DGKI: variants seen among roughly 807,000 people sequenced by gnomAD.
DGKI encodes the protein DAG kinase iota.
Under a neutral mutation model 147.5 loss-of-function variants are expected in DGKI, and 55 were observed. That is an observed-to-expected ratio of 0.37 (90% confidence interval 0.30 to 0.47). The LOEUF is 0.47. Among genes scored for constraint, DGKI ranks in the 20% least tolerant of loss-of-function variants. The pLI is 1.00. For synonymous variants in DGKI, 469 were observed against 477.1 expected, an observed-to-expected ratio of 0.98 and a Z score of 0.22; for missense variants, 1,007 against 1,323.8, an observed-to-expected ratio of 0.76 and a Z score of 3.71.
intron 1 of DGKI, among the ~76,000 whole-genome samples, chr7:137,755,037 A>C (rs1795637491): frequency 6.6e-6 from 1 of 152,144 alleles, no homozygotes; most frequent in South Asian, 2.1e-4. Context: ...TTTTGCTCTC[A>C]GGGGCATATC....
chr7:137,691,355 C>A (rs1460910423), intron 1 of DGKI, among the ~76,000 whole-genome samples: 2 of 152,112 alleles, frequency 1.3e-5, no homozygotes, highest in Non-Finnish European at 2.9e-5. Flanking sequence ...TAAGAATCTG[C>A]CATCTCTGAG....
At chr7:137,601,134 G>A (rs1181162856) in intron 10 of DGKI, among the ~76,000 whole-genome samples, 1 of 152,028 alleles carries the variant, frequency 6.6e-6, no homozygotes, top group Non-Finnish European at 1.5e-5. Context: ...AGCCGGGCAC[G>A]GTGGCGGGCA....
At position 137,684,095 on chromosome 7, in the gene DGKI, T is replaced by C. The variant is rs560622666; in HGVS notation, c.511-5443A>G. Among the ~76,000 whole-genome samples the C allele has an allele frequency of 2.0e-5, 3 of 152,348 alleles. No individual in the cohort carries two copies. In the South Asian group the frequency reaches 6.2e-4, roughly 32 times the overall value. On this transcript the variant is annotated intron_variant, in intron 2 of 32. Transcript: ENST00000614521. ...AAATATGTATCCTATGTAAATGTCC[T>C]TACAAAATCAAAAAGGAAAAAGAGT...
chr7:137,738,303 C>T (rs1795080949), intron 1 of DGKI, among the ~76,000 whole-genome samples: 1 of 152,014 alleles, frequency 6.6e-6, no homozygotes. Context: ...CTCCAAGCTA[C>T]TAGGAGAGAC....
At chr7:137,693,431 T>C (rs541337124) in intron 1 of DGKI, among the ~76,000 whole-genome samples, 2 of 152,328 alleles carry the variant, frequency 1.3e-5, no homozygotes, top group East Asian at 3.9e-4. Flanking sequence ...GTGAAATAGA[T>C]ATGAAAAGAA....
chr7:137,672,678 C>T (rs1274585736), intron 3 of DGKI, among the ~76,000 whole-genome samples: 2 of 150,516 alleles, frequency 1.3e-5, no homozygotes, highest in Non-Finnish European at 3.0e-5. Flanking sequence ...CCACGATCCT[C>T]GGAGGGCCTT....
intron 6 of DGKI, among the ~76,000 whole-genome samples, chr7:137,625,956 AT>A (rs1339846557): frequency 1.3e-5 from 2 of 152,102 alleles, no homozygotes; most frequent in African/African-American, 4.8e-5. Flanking sequence ...AAAGGCCTCA[AT>A]AAAAACCCTG....
At chr7:137,623,763 TGAGA>T (rs147702506) in intron 6 of DGKI, among the ~76,000 whole-genome samples, 4 of 152,192 alleles carry the variant, frequency 2.6e-5, no homozygotes, top group Non-Finnish European at 5.9e-5. Flanking sequence ...GCATTTCAAG[TGAGA>T]GAGAGAGGAG....
chr7:137,393,701 A>C (rs1811446964), intron 32 of DGKI, among the ~76,000 whole-genome samples: 2 of 152,242 alleles, frequency 1.3e-5, no homozygotes, highest in Non-Finnish European at 1.5e-5. Flanking sequence ...AGCTAGCCAG[A>C]CAGGTAACAG....
At chr7:137,566,597 T>C (rs2128973648) in intron 19 of DGKI, among the ~76,000 whole-genome samples, 1 of 152,318 alleles carries the variant, frequency 6.6e-6, no homozygotes, top group African/African-American at 2.4e-5. Context: ...TAGCTGATGA[T>C]GTATATGGAT....
chr7:137,598,022 A>C, intron 11 of DGKI, 115 bp from the exon 12 acceptor site: 1 of 830,402 alleles, frequency 1.2e-6, no homozygotes, highest in Non-Finnish European at 2.0e-6. Context: ...GAAAATGTGT[A>C]ATCATGAGGA....
intron 20 of DGKI, among the ~76,000 whole-genome samples, chr7:137,547,965 C>T (rs1245451938): frequency 6.6e-6 from 1 of 152,046 alleles, no homozygotes; most frequent in Admixed American, 6.6e-5. Context: ...ATGTAGGAGA[C>T]AGGCTACTGT....
chr7:137,690,370 A>T (rs1432945066), intron 1 of DGKI, among the ~76,000 whole-genome samples: 2 of 152,208 alleles, frequency 1.3e-5, no homozygotes, highest in Non-Finnish European at 2.9e-5. Flanking sequence ...ATTGCCAGCG[A>T]CTAAAAGCAA....
chr7:137,412,443 T>C (rs1812198664), intron 28 of DGKI, among the ~76,000 whole-genome samples: 1 of 152,116 alleles, frequency 6.6e-6, no homozygotes, highest in Non-Finnish European at 1.5e-5. Context: ...GTACAGTAAA[T>C]ATTTTAAAAA....
intron 6 of DGKI, among the ~76,000 whole-genome samples, chr7:137,632,676 G>A (rs1201614251): frequency 6.6e-6 from 1 of 151,868 alleles, no homozygotes; most frequent in Non-Finnish European, 1.5e-5. Context: ...GGCCAACATG[G>A]TGAAACCCCG....
chr7:137,456,295 C>T (rs1199300624), intron 27 of DGKI, among the ~76,000 whole-genome samples: 2 of 152,144 alleles, frequency 1.3e-5, no homozygotes, highest in Non-Finnish European at 1.5e-5. Flanking sequence ...CACAGCCTAA[C>T]AAAAATGGTC....
At chr7:137,531,387 A>T (rs919145575) in intron 20 of DGKI, among the ~76,000 whole-genome samples, 1 of 152,146 alleles carries the variant, frequency 6.6e-6, no homozygotes, top group Non-Finnish European at 1.5e-5. Context: ...AAACACTAAC[A>T]TGAGTTACTT....
intron 21 of DGKI, among the ~76,000 whole-genome samples, chr7:137,490,942 A>AT (rs1347245510): frequency 3.3e-5 from 5 of 152,242 alleles, no homozygotes; most frequent in African/African-American, 1.2e-4. Flanking sequence ...ATAAGATGGC[A>AT]TATTTCATGC....
chr7:137,821,658 A>G (rs1469310745), intron 1 of DGKI, among the ~76,000 whole-genome samples: 4 of 152,064 alleles, frequency 2.6e-5, no homozygotes, highest in Non-Finnish European at 1.5e-5. Flanking sequence ...CAGAAAAAAA[A>G]AAAAGAAAGA....
Sources: gnomAD v4.1 joint callset for allele counts (sites outside exome capture counted in the v4.1 genomes callset) on GRCh38, gnomAD v4.1.1 for gene constraint, MANE v1.5 for transcripts, NCBI Gene and HGNC (gene_info 2026-07-23, HGNC 2026-07-21) for gene names.